The following KCNH2 variants were observed in gnomAD, a reference collection of about 807,000 sequenced individuals.
The protein encoded by KCNH2 is voltage-gated inwardly rectifying potassium channel KCNH2.
In KCNH2, 35 loss-of-function variants were observed where a neutral mutation model predicts 95.9. The observed-to-expected ratio is 0.37, with a 90% confidence interval of 0.28 to 0.48. KCNH2 has a LOEUF of 0.48. KCNH2 is among the 20% of genes least tolerant of loss of function. The pLI is 0.99. For synonymous variants in KCNH2, 786 were observed against 754.7 expected, an observed-to-expected ratio of 1.04 and a Z score of -0.68; for missense variants, 1,274 against 1,702.9, an observed-to-expected ratio of 0.75 and a Z score of 4.43.
At chr7:150,971,510 C>G (rs920068359) in intron 2 of KCNH2, among the ~76,000 whole-genome samples, 46 of 152,070 alleles carry the variant, frequency 3.0e-4, no homozygotes, top group African/African-American at 1.1e-3. Flanking sequence ...CCCGGGGACA[C>G]AGGGACATGG....
intron 1 of KCNH2, 122 bp downstream of exon 1, chr7:150,977,716 C>T: frequency 7.6e-6 from 6 of 793,322 alleles, no homozygotes; most frequent in East Asian, 3.2e-5. Context: ...CTGGGGCCCA[C>T]CAGGCCCCAT....
intron 5 of KCNH2, chr7:150,955,320 G>A (rs1801328462): frequency 7.8e-6 from 11 of 1,418,786 alleles, no homozygotes; most frequent in Non-Finnish European, 1.1e-5. Flanking sequence ...CCAGCCTGGA[G>A]TCAGAGCCCT....
intron 2 of KCNH2, 88 bp downstream of exon 2, chr7:150,974,623 C>A: frequency 2.3e-6 from 2 of 888,248 alleles, no homozygotes. Flanking sequence ...CCCCACACCC[C>A]CACACCCCCA....
intron 2 of KCNH2, 137 bp downstream of exon 2, chr7:150,974,574 C>T: frequency 1.3e-6 from 1 of 772,648 alleles, no homozygotes; most frequent in Non-Finnish European, 2.1e-6. Flanking sequence ...GTCACACCCC[C>T]ACAGAACCCT....
chr7:150,976,573 C>A (rs1332820558), intron 1 of KCNH2, among the ~76,000 whole-genome samples: 1 of 152,106 alleles, frequency 6.6e-6, no homozygotes, highest in Non-Finnish European at 1.5e-5. Flanking sequence ...GAAGGCATGC[C>A]CCACCCCACC....
At chr7:150,956,115 G>A (rs947141941) in intron 5 of KCNH2, among the ~76,000 whole-genome samples, 8 of 152,144 alleles carry the variant, frequency 5.3e-5, no homozygotes, top group Admixed American at 1.3e-4. Context: ...CACGCCTGCC[G>A]ACACATACAG....
intron 2 of KCNH2, among the ~76,000 whole-genome samples, chr7:150,963,220 C>A (rs1005463065): frequency 1.3e-5 from 2 of 152,214 alleles, no homozygotes; most frequent in African/African-American, 4.8e-5. Flanking sequence ...CCAGGACAGA[C>A]AAGGAGGGCG....
In KCNH2 at chr7:150,969,460, T is replaced by G. The variant is rs1412549425; in HGVS notation, c.307+5251A>C. On this transcript the variant is annotated intron_variant, in intron 2 of 14. Coordinates refer to ENST00000262186, the MANE Select transcript of KCNH2 (RefSeq NM_000238.4). ...CACCCCATCCTCCTCGGTCCACCTC[T>G]GAGGGTGAAGCTGGGAGCCCCCAGA... Among the ~76,000 whole-genome samples the G allele has an allele frequency of 1.6e-3, 72 of 45,356 alleles. No individual in the cohort carries two copies. In the African/African-American group the frequency reaches 0.017, roughly 11 times the overall value. The allele number at this position is 45,356 out of a possible 152,430, so 29.8% of individuals were successfully genotyped here.
chr7:150,951,163 C>G, intron 7 of KCNH2, 43 bp from the exon 8 acceptor site: 1 of 1,509,250 alleles, frequency 6.6e-7, no homozygotes, highest in South Asian at 1.2e-5. Flanking sequence ...CTGCAGGGAC[C>G]CCACCCACCC....
intron 9 of KCNH2, chr7:150,949,919 G>C: frequency 6.7e-7 from 1 of 1,503,580 alleles, no homozygotes; most frequent in Non-Finnish European, 9.0e-7. Context: ...GAAGCAAAAA[G>C]TGTCTGTTTG....
intron 7 of KCNH2, 111 bp from the exon 8 acceptor site, chr7:150,951,231 GC>G: frequency 9.4e-7 from 1 of 1,062,924 alleles, no homozygotes; most frequent in Non-Finnish European, 1.4e-6. Context: ...GCGTCGACAT[GC>G]CCACGAGACG....
rs1438092503 is a variant in KCNH2 at position 150,951,662 on chromosome 7, T to A, written c.1731A>T (p.Pro577=). Residue 577 remains proline, a synonymous_variant, in exon 7 of 15, where the codon CCA becomes CCT. Transcript: ENST00000262186. ...IWYAIGNMEQ[P]HMDSRIGWLH... ...GCCAGCCGATGCGTGAGTCCATGTG[T>A]GGCTGCTCCATGTTGCCGATGGCGT... 4 of 1,614,128 alleles carry A rather than the reference T, an allele frequency of 2.5e-6. No homozygotes were observed. Among genetic ancestry groups the A allele is most frequent in the Non-Finnish European group, 3.4e-6 (4 of 1,180,042 alleles).
Position 150,958,103 on chromosome 7 carries a change from A to G in KCNH2, c.872T>C (p.Met291Thr), listed in dbSNP as rs199472881. The G allele has an allele frequency of 5.0e-5, 65 of 1,288,204 alleles. No individual in the cohort carries two copies. Among genetic ancestry groups the G allele is most frequent in the Non-Finnish European group, 6.1e-5 (62 of 1,022,038 alleles). The allele number at this position is 1,288,204 out of a possible 1,614,324, so 79.8% of individuals were successfully genotyped here. The change falls in exon 4 of 15, where the codon ATG becomes ACG. Residue 291 changes from methionine (M) to threonine (T), a missense_variant. Met to Thr is a moderately conservative substitution (Grantham distance 81). Coordinates refer to ENST00000262186, the MANE Select transcript of KCNH2 (RefSeq NM_000238.4). ...RASSADDIEA[M>T]RAGVLPPPPR... is the part of the protein sequence containing the mutation. ...TGGCGGGGGCAGCACCCCGGCGCGC[A>G]TGGCCTCGATGTCGTCGGCCGACGA...
At position 150,952,896 on chromosome 7, in the gene KCNH2, G is replaced by T. The variant is rs200553620; in HGVS notation, c.1129-43C>A. ...GGAGGTGTGGGTGAGGCAGGCCATG[G>T]GACCTCGGGGGCAGGAGCGATGACA... On this transcript the variant is annotated intron_variant, in intron 5 of 14. Coordinates refer to ENST00000262186, the MANE Select transcript of KCNH2 (RefSeq NM_000238.4). This position sits in a 1 kb window ranked among gnomAD's most constrained non-coding sequence, Gnocchi z 7.3. 1.8e-5 allele frequency: 29 copies of T among 1,585,708 alleles called. No individual in the cohort carries two copies. Among genetic ancestry groups the T allele is most frequent in the Non-Finnish European group, 2.5e-5 (29 of 1,162,210 alleles).
At chr7:150,965,395 G>A (rs182221693) in intron 2 of KCNH2, among the ~76,000 whole-genome samples, 34 of 152,278 alleles carry the variant, frequency 2.2e-4, no homozygotes, top group Admixed American at 1.8e-3. Context: ...TCTGGGGCCC[G>A]GCTCTGCCTC....
rs1220626221 is a variant in KCNH2, at chr7:150,978,037, C to T, written c.-124G>A. 3 of 354,158 alleles carry T rather than the reference C, an allele frequency of 8.5e-6. No individual in the cohort carries two copies. The highest frequency in any genetic ancestry group is 1.1e-4 in the East Asian group (2 of 18,670). 21.9% of individuals were successfully genotyped at this position (354,158 alleles called of 1,614,324 possible). A position where few individuals can be genotyped will look rare whatever the true frequency, so the allele number is the denominator to read the frequency against. On this transcript the variant is annotated 5_prime_UTR_variant, in exon 1 of 15. Transcript: ENST00000262186. ...ACCCCGCGGCCAAGCCGAGCACGGG[C>T]GCGGCCAAGACTGGACTGCGGGCGC...
rs1805120 is a variant in KCNH2 at position 150,952,443 on chromosome 7, G to A, written c.1539C>T (p.Phe513=). Residue 513 remains phenylalanine, a synonymous_variant, in exon 6 of 15, where the codon TTC becomes TTT. Transcript: ENST00000262186. The surrounding 1 kb of genome is among the most constrained non-coding windows in gnomAD (Gnocchi z 7.3). ...VAAIPFDLLI[F]GSGSEELIGL... ...ACCCCACCTCCTCAGAGCCAGAGCC[G>A]AAGATGAGCAGGTCGAAGGGGATGG... 0.25 allele frequency: 395,758 copies of A among 1,613,742 alleles called. 55,335 individuals carry two copies. Among genetic ancestry groups the A allele is most frequent in the East Asian group, 0.68 (30,367 of 44,864 alleles).
At chr7:150,955,442 C>G in intron 5 of KCNH2, 2 of 1,565,886 alleles carry the variant, frequency 1.3e-6, no homozygotes, top group Non-Finnish European at 1.7e-6. Context: ...CCTCACCCGG[C>G]CTTTCTGGGC....
At position 150,952,785 on chromosome 7, in the gene KCNH2, G is replaced by C; in HGVS notation, c.1197C>G (p.Thr399=). The part of the protein sequence containing the change: ...KLQAPRIHRW[T]ILHYSPFKAV... ...CCTTGAAGGGGCTGTAATGCAGGAT[G>C]GTCCAGCGGTGGATGCGCGGTGCCT... The change falls in exon 6 of 15, where the codon ACC becomes ACG. Residue 399 remains threonine (T), a synonymous_variant. Coordinates refer to ENST00000262186, the MANE Select transcript of KCNH2 (RefSeq NM_000238.4). The surrounding 1 kb of genome is among the most constrained non-coding windows in gnomAD (Gnocchi z 7.3). The C allele has an allele frequency of 6.2e-7, 1 of 1,614,148 alleles. No individual in the cohort carries two copies. Among genetic ancestry groups the C allele is most frequent in the Non-Finnish European group, 8.5e-7 (1 of 1,180,026 alleles).
Sources: gnomAD v4.1 joint callset for allele counts (sites outside exome capture counted in the v4.1 genomes callset) on GRCh38, gnomAD v4.1.1 for gene constraint, Gnocchi (gnomAD v3.1) non-coding constraint, MANE v1.5 for transcripts, NCBI Gene and HGNC (gene_info 2026-07-23, HGNC 2026-07-21) for gene names.